FBXO16: variants seen among roughly 807,000 people sequenced by gnomAD.
FBXO16 encodes the protein F-box protein 16, also known as F-box only protein 16.
FBXO16 carries 31 observed loss-of-function variants against 41.0 expected under a neutral mutation model. The ratio of observed to expected loss-of-function variants is 0.76; its 90% confidence interval spans 0.57 to 1.02. The LOEUF (loss-of-function observed/expected upper bound fraction) is 1.02. Ranked by LOEUF, FBXO16 falls within the 50% of genes least tolerant of loss-of-function variation. The probability of loss-of-function intolerance (pLI) is 0.00; values close to 1 mark genes in which losing one functional copy is unlikely to be tolerated. For synonymous variants in FBXO16, 133 were observed against 117.8 expected (o/e 1.13, Z -0.84); for missense variants, 361 against 346.2 (o/e 1.04, Z -0.34).
chr8:28,471,791 A>G (rs1288508712), intron 3 of FBXO16, among the ~76,000 whole-genome samples: 1 of 149,320 alleles, frequency 6.7e-6, no homozygotes, highest in Non-Finnish European at 1.5e-5. Flanking sequence ...TTGAAGAAAG[A>G]AAACAGAGAA....
Position 28,463,763 on chromosome 8 carries a change from C to G in FBXO16, c.191G>C (p.Arg64Pro). The G allele has an allele frequency of 1.2e-6, 2 of 1,614,136 alleles. No individual in the cohort carries two copies. The highest frequency in any genetic ancestry group is 1.7e-6 in the Non-Finnish European group (2 of 1,179,974). The change falls in exon 4 of 9, where the codon CGC (arginine) becomes CCC (proline). Residue 64 changes from arginine to proline, a missense_variant. Coordinates refer to ENST00000380254, the MANE Select transcript of FBXO16 (RefSeq NM_172366.4). ...RRRILTGLLE[R>P]CSLSQQKFCC... ...GAACTTTTGCTGGGACAGCGAGCAGCGCTCCAACAGGCCTGTGAGGATTCT... is the reference window on the plus strand; with the variant it reads ...GAACTTTTGCTGGGACAGCGAGCAGGGCTCCAACAGGCCTGTGAGGATTCT...
chr8:28,450,476 T>C (rs1802935362), intron 6 of FBXO16, among the ~76,000 whole-genome samples: 1 of 152,212 alleles, frequency 6.6e-6, no homozygotes, highest in African/African-American at 2.4e-5. Context: ...TGAAAACTTT[T>C]GTGCTCTAAA....
At chr8:28,446,176 C>T (rs371743456) in intron 7 of FBXO16, among the ~76,000 whole-genome samples, 26 of 83,074 alleles carry the variant, frequency 3.1e-4, no homozygotes, top group South Asian at 5.0e-4. Flanking sequence ...TGCATTTTTC[C>T]TTTTTTTTTT....
chr8:28,463,616 GCACAACGA>G lies in FBXO16; in HGVS notation c.330_337del (p.Arg111ThrfsTer11). 1 of 1,613,810 alleles carries G rather than the reference GCACAACGA, an allele frequency of 6.2e-7. No individual in the cohort carries two copies. The highest frequency in any genetic ancestry group is 8.5e-7 in the Non-Finnish European group (1 of 1,179,964). Reference sequence around the variant, plus strand: ...ATACCCCTTCCTTGCCTTTACCTGTGCACAACGACAAAGGCTCCGAGGGTCCAGGAAAG... The same window carrying G: ...ATACCCCTTCCTTGCCTTTACCTGTGCAAAGGCTCCGAGGGTCCAGGAAAG... On this transcript the variant is annotated frameshift_variant, in exon 4 of 9. Coordinates refer to ENST00000380254, the MANE Select transcript of FBXO16 (RefSeq NM_172366.4). LOFTEE classifies it high-confidence loss of function.
At chr8:28,457,946 T>C (rs1379994835) in intron 4 of FBXO16, among the ~76,000 whole-genome samples, 1 of 152,144 alleles carries the variant, frequency 6.6e-6, no homozygotes, top group African/African-American at 2.4e-5. Context: ...TTTATAATAA[T>C]TTACCCAAGG....
At position 28,456,530 on chromosome 8, in the gene FBXO16, T is replaced by C. The variant is rs535360275; in HGVS notation, c.507+236A>G. 28 of 421,696 alleles carry C rather than the reference T, an allele frequency of 6.6e-5. No individual in the cohort carries two copies. The East Asian group carries it at 1.0e-3, about 15-fold the overall frequency. 26.1% of individuals were successfully genotyped at this position (421,696 alleles called of 1,614,324 possible). Reference sequence around the variant, plus strand: ...GACCTAGACAGAGAAAGAAGTTCCATGGTCCTAACCGCCGGGATGCAACTG... The same window carrying C: ...GACCTAGACAGAGAAAGAAGTTCCACGGTCCTAACCGCCGGGATGCAACTG... On this transcript the variant is annotated intron_variant, in intron 5 of 8. Transcript: ENST00000380254.
intron 7 of FBXO16, 165 bp downstream of exon 7, chr8:28,447,006 T>A (rs1269711030): frequency 1.7e-6 from 1 of 578,872 alleles, no homozygotes; most frequent in Non-Finnish European, 3.0e-6. Flanking sequence ...ATAAAGTGTA[T>A]CTTCAAGGTC....
At chr8:28,485,675 A>G (rs1244046647) in intron 1 of FBXO16, among the ~76,000 whole-genome samples, 4 of 152,216 alleles carry the variant, frequency 2.6e-5, no homozygotes, top group Admixed American at 1.3e-4. Flanking sequence ...AGGGGCACTC[A>G]GATCAGCACT....
At chr8:28,448,340 C>CAAAAAAAAAAAAA (rs56323338) in intron 6 of FBXO16, among the ~76,000 whole-genome samples, 5 of 49,786 alleles carry the variant, frequency 1.0e-4, no homozygotes, top group Non-Finnish European at 1.7e-4. Context: ...GACCCTAAAT[C>CAAAAAAAAAAAAA]AAAAAAAAAA....
At chr8:28,446,748 G>A (rs1389584787) in intron 7 of FBXO16, among the ~76,000 whole-genome samples, 1 of 151,930 alleles carries the variant, frequency 6.6e-6, no homozygotes, top group African/African-American at 2.4e-5. Context: ...GGTGGCACCT[G>A]TAATCCCAGC....
At chr8:28,455,242 ATTT>A (rs55790277) in intron 5 of FBXO16, among the ~76,000 whole-genome samples, 111 of 144,862 alleles carry the variant, frequency 7.7e-4, no homozygotes, top group South Asian at 5.5e-3. Flanking sequence ...TGCTCAGCTA[ATTT>A]TTTTTTTTTT....
chr8:28,463,376 GTGTT>G (rs562257327), intron 4 of FBXO16, among the ~76,000 whole-genome samples: 31 of 139,056 alleles, frequency 2.2e-4, no homozygotes, highest in South Asian at 7.4e-4. Flanking sequence ...GTATATGTGT[GTGTT>G]TGTGTGTTTG....
At chr8:28,449,660 G>A (rs895321368) in intron 6 of FBXO16, among the ~76,000 whole-genome samples, 2 of 151,874 alleles carry the variant, frequency 1.3e-5, no homozygotes, top group Admixed American at 6.6e-5. Flanking sequence ...TCTCAGCTCA[G>A]CTCCCTTGGC....
At chr8:28,443,994 CTCTG>C (rs1458372177) in intron 7 of FBXO16, among the ~76,000 whole-genome samples, 3 of 152,190 alleles carry the variant, frequency 2.0e-5, no homozygotes, top group Admixed American at 6.5e-5. Context: ...CTCGGGGCTG[CTCTG>C]TCTATGGAGT....
chr8:28,486,542 A>G, intron 1 of FBXO16, among the ~76,000 whole-genome samples: 1 of 152,014 alleles, frequency 6.6e-6, no homozygotes, highest in East Asian at 1.9e-4. Context: ...TTCTTCTTTT[A>G]AAACTAGTTG....
chr8:28,483,260 C>T (rs912268900), intron 2 of FBXO16, 88 bp downstream of exon 2: 1 of 1,186,832 alleles, frequency 8.4e-7, no homozygotes, highest in African/African-American at 1.5e-5. Flanking sequence ...CTTAAATAAT[C>T]CCTGTTCATA....
In FBXO16 at chr8:28,456,870, G is replaced by A. The variant is rs373359835; in HGVS notation, c.403C>T (p.Arg135Trp). Residue 135 changes from arginine to tryptophan, a missense_variant, in exon 5 of 9, where the codon CGG (arginine) becomes TGG (tryptophan). Physicochemically the swap from Arg to Trp is moderately radical, Grantham distance 101. Transcript: ENST00000380254. Reference sequence around the variant, plus strand: ...GAGAAATTGATGTACCAGTTAAACCGTAAACATTTCAGCATCCAGAGCTGG... The same window carrying A: ...GAGAAATTGATGTACCAGTTAAACCATAAACATTTCAGCATCCAGAGCTGG... ...LDQLWMLKCL[R>W]FNWYINFSPT... 2.5e-5 allele frequency: 40 copies of A among 1,613,928 alleles called. No individual in the cohort carries two copies. Among genetic ancestry groups the A allele is most frequent in the Non-Finnish European group, 3.1e-5 (37 of 1,179,988 alleles).
At chr8:28,441,910 ATGTGTGTGTGTGTGTG>A (rs1175392833) in intron 7 of FBXO16, among the ~76,000 whole-genome samples, 1 of 107,896 alleles carries the variant, frequency 9.3e-6, no homozygotes, top group African/African-American at 4.6e-5. Context: ...GTATATATAT[ATGTGTGTGTGTGTGTG>A]TGTGTGTGTG....
chr8:28,444,458 A>C (rs115394187), intron 7 of FBXO16, among the ~76,000 whole-genome samples: 2,543 of 144,370 alleles, frequency 0.018, 49 homozygotes, highest in African/African-American at 0.057. Context: ...GTGTGCCAAC[A>C]TGCCCGGCTA....
Sources: gnomAD v4.1 joint callset for allele counts (sites outside exome capture counted in the v4.1 genomes callset) on GRCh38, gnomAD v4.1.1 for gene constraint, MANE v1.5 for transcripts, NCBI Gene and HGNC (gene_info 2026-07-23, HGNC 2026-07-21) for gene names.